MPRIP: variants seen among roughly 807,000 people sequenced by gnomAD.
MPRIP encodes the protein myosin phosphatase Rho-interacting protein.
In MPRIP, 59 loss-of-function variants were observed where a neutral mutation model predicts 234.9. The ratio of observed to expected loss-of-function variants is 0.25; its 90% CI spans 0.20 to 0.31. The LOEUF (loss-of-function observed/expected upper bound fraction) is 0.31. Among genes scored for constraint, MPRIP ranks in the 10% least tolerant of loss-of-function variants. The pLI is 1.00. For synonymous variants in MPRIP, 1,144 were observed against 1,263.9 expected (o/e 0.91, Z 2.01); for missense variants, 2,436 against 3,071.0 (o/e 0.79, Z 4.89).
chr17:17,167,711 G>T lies in MPRIP; in HGVS notation c.6120G>T (p.Gly2040=). The change falls in exon 16 of 24, where the codon GGG becomes GGT. Residue 2040 remains glycine (G), a synonymous_variant. Coordinates refer to ENST00000651222, the MANE Select transcript of MPRIP (RefSeq NM_001364716.4). The surrounding 1 kb of genome is among the most constrained non-coding windows in gnomAD (Gnocchi z 5.9). The stretch of plus-strand genomic sequence containing the variant: ...AGGACACCCTCTGCCTCCACCAGGG[G>T]CCACACCCCAAGGCCCTGCCAGCCC... ...CLQDTLCLHQ[G]PHPKALPAPA... 1 of 1,304,142 alleles carries T rather than the reference G, an allele frequency of 7.7e-7. No homozygotes were observed. Among genetic ancestry groups the T allele is most frequent in the Non-Finnish European group, 1.0e-6 (1 of 988,948 alleles). The allele number at this position is 1,304,142 out of a possible 1,614,324, so 80.8% of individuals were successfully genotyped here.
rs116760920 is a variant in MPRIP, at chr17:17,057,102, A to G, written c.123+14131A>G. 5.9e-3 allele frequency among the ~76,000 whole-genome samples: 904 copies of G among 152,290 alleles called. 9 individuals carry two copies. Among genetic ancestry groups the G allele is most frequent in the African/African-American group, 0.021 (863 of 41,562 alleles). On this transcript the variant is annotated intron_variant, in intron 1 of 23. Coordinates refer to ENST00000651222, the MANE Select transcript of MPRIP (RefSeq NM_001364716.4). ...GGAGAGGACTTGCTGGCCTGTGGCC[A>G]TTCTGTCAGTGAGCTGTTTGGCATC...
At chr17:17,090,095 C>T (rs1397290708) in intron 3 of MPRIP, among the ~76,000 whole-genome samples, 1 of 152,188 alleles carries the variant, frequency 6.6e-6, no homozygotes, top group Non-Finnish European at 1.5e-5. Flanking sequence ...GTTGGTGAGA[C>T]TGGTTTTGTG....
chr17:17,154,578 C>T (rs762217972), intron 13 of MPRIP, among the ~76,000 whole-genome samples, 163 bp downstream of exon 13: 11 of 152,226 alleles, frequency 7.2e-5, no homozygotes, highest in Non-Finnish European at 1.5e-4. Context: ...GTTCCTGTCC[C>T]AAGTAATCAG....
chr17:17,166,776 G>A lies in MPRIP; in HGVS notation c.5185G>A (p.Glu1729Lys). 1 of 1,304,248 alleles carries A rather than the reference G, an allele frequency of 7.7e-7. No individual in the cohort carries two copies. The allele number at this position is 1,304,248 out of a possible 1,614,324, so 80.8% of individuals were successfully genotyped here. Residue 1729 changes from glutamate (E) to lysine (K), a missense_variant, in exon 16 of 24, where the codon GAA (glutamate) becomes AAA (lysine). Glu to Lys is a moderately conservative substitution (Grantham distance 56). Around this residue, in one of 4 missense-constraint regions of MPRIP, gnomAD observed 1,998 missense variants for 2,520.3 expected, o/e 0.79. Coordinates refer to ENST00000651222, the MANE Select transcript of MPRIP (RefSeq NM_001364716.4). This position sits in a 1 kb window ranked among gnomAD's most constrained non-coding sequence, Gnocchi z 4.4. Reference sequence around the variant, plus strand: ...TGAAAGAGTGATGCAGCAGGTCTTGGAAGCCCTCAGGCTTCCAGCGGGCCA... The same window carrying A: ...TGAAAGAGTGATGCAGCAGGTCTTGAAAGCCCTCAGGCTTCCAGCGGGCCA... ...DFERVMQQVL[E>K]ALRLPAGHED...
In MPRIP at chr17:17,042,880, A is replaced by C; in HGVS notation, c.32A>C (p.Lys11Thr). 6.2e-7 allele frequency: 1 copy of C among 1,605,396 alleles called. No homozygotes were observed. Among genetic ancestry groups the C allele is most frequent in the Non-Finnish European group, 8.5e-7 (1 of 1,176,526 alleles). The change falls in exon 1 of 24, where the codon AAA becomes ACA. Residue 11 changes from lysine (K) to threonine (T), a missense_variant. Lys to Thr is a moderately conservative substitution (Grantham distance 78, BLOSUM62 -1). This residue lies in a region of MPRIP where 140 missense variants were observed against 207.3 expected (regional missense o/e 0.68). Transcript: ENST00000651222. Reference protein sequence around the residue: MSAAKENPCRKFQANIFNKSK... With the variant: MSAAKENPCRTFQANIFNKSK... Reference sequence around the variant, plus strand: ...GCAGCCAAGGAGAACCCGTGCAGGAAATTCCAGGCCAACATCTTCAACAAG... The same window carrying C: ...GCAGCCAAGGAGAACCCGTGCAGGACATTCCAGGCCAACATCTTCAACAAG...
chr17:17,054,855 GCCTGGGCAAGACAGGGAAAC>G (rs1278698575), intron 1 of MPRIP, among the ~76,000 whole-genome samples: 2 of 151,974 alleles, frequency 1.3e-5, no homozygotes, highest in African/African-American at 4.8e-5. Context: ...TTCGAGATCA[GCCTGGGCAAGACAGGGAAAC>G]CCTGTCTCTA....
intron 22 of MPRIP, chr17:17,178,385 A>G (rs2046302527): frequency 6.6e-6 from 1 of 152,196 alleles, no homozygotes; most frequent in African/African-American, 2.4e-5. Context: ...TGGGAGGAAG[A>G]CTTCATTTTT....
At chr17:17,080,144 A>G (rs1013480018) in intron 3 of MPRIP, among the ~76,000 whole-genome samples, 10 of 152,268 alleles carry the variant, frequency 6.6e-5, no homozygotes, top group Non-Finnish European at 1.5e-4. Flanking sequence ...TGAGCCCATC[A>G]GTAAATACTG....
chr17:17,061,790 C>G (rs1392458237), intron 1 of MPRIP, among the ~76,000 whole-genome samples: 1 of 152,214 alleles, frequency 6.6e-6, no homozygotes, highest in African/African-American at 2.4e-5. Context: ...AAGCAGGAGC[C>G]CAGCAGCCCT....
In MPRIP at chr17:17,065,379, TG is replaced by T. The variant is rs1411159374; in HGVS notation, c.124-10330del. Among the ~76,000 whole-genome samples the T allele has an allele frequency of 1.6e-5, 2 of 122,454 alleles. 1 individual carries two copies. The highest frequency in any genetic ancestry group is 5.9e-4 in the South Asian group (2 of 3,390). 80.3% of individuals were successfully genotyped at this position (122,454 alleles called of 152,430 possible). On this transcript the variant is annotated intron_variant, in intron 1 of 23. Coordinates refer to ENST00000651222, the MANE Select transcript of MPRIP (RefSeq NM_001364716.4). Reference sequence around the variant, plus strand: ...CACTACTTTCTGTATCAGCTTGAGATGATTTTTTTTTTTTTTTTTTTGCCTG... The same window carrying T: ...CACTACTTTCTGTATCAGCTTGAGATATTTTTTTTTTTTTTTTTTTGCCTG...
Position 17,066,940 on chromosome 17 carries a change from T to G in MPRIP, c.124-8770T>G, listed in dbSNP as rs543185298. Among the ~76,000 whole-genome samples, 3 of 151,864 alleles carry G rather than the reference T, an allele frequency of 2.0e-5. No individual in the cohort carries two copies. The East Asian group carries it at 5.8e-4, about 29-fold the overall frequency. The stretch of plus-strand genomic sequence containing the variant: ...CACCTAGCTATTAATAATTTTTTTT[T>G]GGTAGAAACAGGGTCTTGTAGTTCC... On this transcript the variant is annotated intron_variant, in intron 1 of 23. Coordinates refer to ENST00000651222, the MANE Select transcript of MPRIP (RefSeq NM_001364716.4).
chr17:17,147,312 C>G lies in MPRIP; in HGVS notation c.1561-7C>G, dbSNP rs1418010229. ...AGTCGAGTCATTTTTCTTTTCTTCC[C>G]CTTTAGTGGAAGAAACACTGGTTTG... On this transcript the variant is annotated splice_polypyrimidine_tract_variant and splice_region_variant and intron_variant, in intron 10 of 23. Transcript: ENST00000651222. 6.2e-7 allele frequency: 1 copy of G among 1,613,498 alleles called. No homozygotes were observed. Among genetic ancestry groups the G allele is most frequent in the Non-Finnish European group, 8.5e-7 (1 of 1,179,484 alleles).
At chr17:17,073,783 G>T (rs866920140) in intron 1 of MPRIP, among the ~76,000 whole-genome samples, 6 of 152,182 alleles carry the variant, frequency 3.9e-5, no homozygotes, top group Non-Finnish European at 5.9e-5. Context: ...GCTGGAGTTC[G>T]TAGAGAGCAC....
rs764281651 is a variant in MPRIP, at chr17:17,192,628, C to T, written c.*7734C>T. ...TTTACATAAACTATATCATAATAAA[C>T]TATTTTTGCATCACCCTTTGCATGC... On this transcript the variant is annotated 3_prime_UTR_variant, in exon 24 of 24. Coordinates refer to ENST00000651222, the MANE Select transcript of MPRIP (RefSeq NM_001364716.4). The T allele has an allele frequency of 6.6e-6, 1 of 152,054 alleles. No individual in the cohort carries two copies. Among genetic ancestry groups the T allele is most frequent in the Non-Finnish European group, 1.5e-5 (1 of 68,002 alleles). 9.4% of individuals were successfully genotyped at this position (152,054 alleles called of 1,614,324 possible). A position where few individuals can be genotyped will look rare whatever the true frequency, so the allele number is the denominator to read the frequency against.
intron 1 of MPRIP, among the ~76,000 whole-genome samples, chr17:17,063,397 C>T (rs895921700): frequency 5.3e-5 from 8 of 152,106 alleles, no homozygotes; most frequent in African/African-American, 7.2e-5. Flanking sequence ...GGCCTGGAGC[C>T]GGTTAGTGTT....
chr17:17,042,919 A>T lies in MPRIP; in HGVS notation c.71A>T (p.Asn24Ile). ...ANIFNKSKCQ[N>I]CFKPRESHLL... ...ATCTTCAACAAGAGCAAGTGTCAGAACTGCTTCAAGCCCCGCGAGTCGCAT... is the reference window on the plus strand; with the variant it reads ...ATCTTCAACAAGAGCAAGTGTCAGATCTGCTTCAAGCCCCGCGAGTCGCAT... Residue 24 changes from asparagine to isoleucine, a missense_variant, in exon 1 of 24, where the codon AAC (asparagine) becomes ATC (isoleucine). By Grantham distance (149) the Asn-to-Ile change is moderately radical. Around this residue, in one of 4 missense-constraint regions of MPRIP, gnomAD observed 140 missense variants for 207.3 expected, o/e 0.68. Transcript: ENST00000651222. The T allele has an allele frequency of 6.2e-7, 1 of 1,610,958 alleles. No individual in the cohort carries two copies. Among genetic ancestry groups the T allele is most frequent in the Non-Finnish European group, 8.5e-7 (1 of 1,179,142 alleles).
At chr17:17,152,548 A>G (rs1181456430) in intron 12 of MPRIP, among the ~76,000 whole-genome samples, 3 of 152,154 alleles carry the variant, frequency 2.0e-5, no homozygotes, top group Admixed American at 1.3e-4. Flanking sequence ...GGCTTCCTGG[A>G]GAAGGATCCC....
At chr17:17,130,582 C>G (rs546535522) in intron 4 of MPRIP, among the ~76,000 whole-genome samples, 3 of 152,116 alleles carry the variant, frequency 2.0e-5, no homozygotes, top group African/African-American at 7.2e-5. Flanking sequence ...TACAGACCCC[C>G]CCATCCCCAA....
intron 23 of MPRIP, chr17:17,183,250 C>G (rs1355745012): frequency 6.6e-6 from 1 of 152,360 alleles, no homozygotes; most frequent in Non-Finnish European, 1.5e-5. Context: ...GAGTCTCGCT[C>G]TGTCGCCCAG....
Sources: gnomAD v4.1 joint callset for allele counts (sites outside exome capture counted in the v4.1 genomes callset) on GRCh38, gnomAD v4.1.1 for gene constraint, gnomAD v4.1.1 regional missense constraint, Gnocchi (gnomAD v3.1) non-coding constraint, MANE v1.5 for transcripts, NCBI Gene and HGNC (gene_info 2026-07-23, HGNC 2026-07-21) for gene names.